Variants in CELF1 observed in about 807,000 individuals in gnomAD.
CELF1 encodes the protein CUGBP Elav-like family member 1.
In CELF1, 10 loss-of-function variants were observed where a neutral mutation model predicts 61.8. That is an observed-to-expected ratio of 0.16 (90% CI 0.10 to 0.27). The LOEUF (loss-of-function observed/expected upper bound fraction) is 0.27. Ranked by LOEUF, CELF1 falls within the 10% of genes least tolerant of loss-of-function variation. The probability of loss-of-function intolerance (pLI) is 1.00; values close to 1 mark genes in which losing one functional copy is unlikely to be tolerated. For synonymous variants in CELF1, 236 were observed against 225.1 expected (o/e 1.05, Z -0.43); for missense variants, 380 against 639.1 (o/e 0.59, Z 4.37).
In CELF1 at chr11:47,507,291, T is replaced by C. The variant is rs76570755; in HGVS notation, c.-153-6359A>G. Among the ~76,000 whole-genome samples, 1,484 of 152,302 alleles carry C rather than the reference T, an allele frequency of 9.7e-3. 12 individuals carry two copies. Among genetic ancestry groups the C allele is most frequent in the Non-Finnish European group, 0.017 (1,133 of 68,026 alleles). On this transcript the variant is annotated intron_variant, in intron 1 of 14. Coordinates refer to ENST00000687097, the MANE Select transcript of CELF1 (RefSeq NM_001376376.1). ...CTAAGAAAAGCTAATGGCTGTATAA[T>C]TCTTTTAGCAATTAAGGATCGTGTT...
chr11:47,544,320 G>A (rs2096879350), intron 1 of CELF1, among the ~76,000 whole-genome samples: 1 of 152,154 alleles, frequency 6.6e-6, no homozygotes, highest in African/African-American at 2.4e-5. Flanking sequence ...AAAAGAAACA[G>A]CATTATCAAT....
At chr11:47,544,765 C>G (rs2096891271) in intron 1 of CELF1, among the ~76,000 whole-genome samples, 1 of 152,020 alleles carries the variant, frequency 6.6e-6, no homozygotes, top group Non-Finnish European at 1.5e-5. Context: ...GAGTTTGAGA[C>G]CAGCCTGACC....
chr11:47,512,526 G>C (rs1328666738), intron 1 of CELF1, among the ~76,000 whole-genome samples: 1 of 147,444 alleles, frequency 6.8e-6, no homozygotes, highest in Non-Finnish European at 1.5e-5. Flanking sequence ...TTTTAGTAGA[G>C]ACAGAGTCTG....
At position 47,522,241 on chromosome 11, in the gene CELF1, G is replaced by A. The variant is rs1448483052; in HGVS notation, c.-153-21309C>T. 4.6e-5 allele frequency among the ~76,000 whole-genome samples: 7 copies of A among 151,552 alleles called. No homozygotes were observed. The South Asian group carries it at 8.4e-4, about 18-fold the overall frequency. On this transcript the variant is annotated intron_variant, in intron 1 of 14. Coordinates refer to ENST00000687097, the MANE Select transcript of CELF1 (RefSeq NM_001376376.1). ...ATTTTTTTTATCATTAACACTTGAA[G>A]TAGGCCGGGCATGGTGGCTCAAGCC...
intron 6 of CELF1, among the ~76,000 whole-genome samples, chr11:47,485,318 C>A (rs1935856485): frequency 1.3e-5 from 2 of 152,072 alleles, no homozygotes; most frequent in South Asian, 4.2e-4. Flanking sequence ...ATAGCTGGGA[C>A]CACAGGTATG....
intron 1 of CELF1, among the ~76,000 whole-genome samples, chr11:47,521,606 G>C (rs1411548450): frequency 6.6e-6 from 1 of 152,184 alleles, no homozygotes; most frequent in Non-Finnish European, 1.5e-5. Context: ...CAGGATATTT[G>C]TTAGAATTAA....
At chr11:47,529,049 T>C (rs1263237598) in intron 1 of CELF1, among the ~76,000 whole-genome samples, 1 of 151,910 alleles carries the variant, frequency 6.6e-6, no homozygotes, top group Non-Finnish European at 1.5e-5. Flanking sequence ...TGAGTACAGA[T>C]GTGTGCCACC....
intron 1 of CELF1, among the ~76,000 whole-genome samples, chr11:47,506,230 T>G (rs1332549207): frequency 1.3e-5 from 2 of 150,804 alleles, no homozygotes; most frequent in Non-Finnish European, 3.0e-5. Flanking sequence ...ATAGAGACCA[T>G]CCTGGCTAAC....
At chr11:47,533,077 T>C (rs1447072843) in intron 1 of CELF1, among the ~76,000 whole-genome samples, 1 of 152,076 alleles carries the variant, frequency 6.6e-6, no homozygotes. Context: ...AAGGCTTTTT[T>C]TTTTCTATCA....
intron 6 of CELF1, among the ~76,000 whole-genome samples, chr11:47,485,067 TACTC>T (rs1274103063): frequency 1.3e-5 from 2 of 152,348 alleles, no homozygotes; most frequent in Non-Finnish European, 2.9e-5. Context: ...TTGTGAAAGT[TACTC>T]AACCATTCTG....
chr11:47,486,770 G>C lies in CELF1; in HGVS notation c.371C>G (p.Ala124Gly). The C allele has an allele frequency of 6.2e-7, 1 of 1,612,410 alleles. No individual in the cohort carries two copies. Reference protein sequence around the residue: ...GMHHPIQMKPADSEKNNAVED... With the variant: ...GMHHPIQMKPGDSEKNNAVED... The stretch of plus-strand genomic sequence containing the variant: ...CTTACCATTGTTCTTCTCACTGTCA[G>C]CAGGTTTCATCTGTATAGGGTGATG... The change falls in exon 6 of 15, where the codon GCT becomes GGT. Residue 124 changes from alanine (A) to glycine (G), a missense_variant. Physicochemically the swap from Ala to Gly is moderately conservative, Grantham distance 60. Transcript: ENST00000687097.
intron 3 of CELF1, among the ~76,000 whole-genome samples, chr11:47,498,038 A>T (rs2093418204): frequency 6.6e-6 from 1 of 152,208 alleles, no homozygotes; most frequent in South Asian, 2.1e-4. Flanking sequence ...ATTCACTTTA[A>T]TTTCACCTGT....
At chr11:47,486,092 C>T (rs796259593) in intron 6 of CELF1, among the ~76,000 whole-genome samples, 3 of 33,638 alleles carry the variant, frequency 8.9e-5, no homozygotes, top group African/African-American at 3.5e-4. Context: ...ACCCGGGAGG[C>T]GGAGGTTGCA....
chr11:47,481,081 G>T (rs941294128), intron 9 of CELF1, among the ~76,000 whole-genome samples: 186 of 92,828 alleles, frequency 2.0e-3, no homozygotes, highest in Admixed American at 5.3e-3. Flanking sequence ...ATAAACTGGG[G>T]TTTTTTTTTT....
At chr11:47,473,993 G>A (rs761585710) in intron 13 of CELF1, among the ~76,000 whole-genome samples, 2 of 151,814 alleles carry the variant, frequency 1.3e-5, no homozygotes, top group Non-Finnish European at 2.9e-5. Flanking sequence ...TGCAACCTCC[G>A]CCTCCCGGGT....
At chr11:47,558,707 TATATA>T (rs1412642968) in intron 2 of CELF1, among the ~76,000 whole-genome samples, 3 of 99,192 alleles carry the variant, frequency 3.0e-5, no homozygotes, top group South Asian at 2.7e-4. Context: ...TATGTCATAA[TATATA>T]ATATTATGAC....
At chr11:47,491,948 T>C (rs546749955) in intron 3 of CELF1, among the ~76,000 whole-genome samples, 1 of 152,314 alleles carries the variant, frequency 6.6e-6, no homozygotes, top group South Asian at 2.1e-4. Context: ...AGCTATTATC[T>C]CCTATGATTA....
intron 12 of CELF1, 129 bp from the exon 13 acceptor site, chr11:47,475,650 C>CTCAGGGAGAAA: frequency 2.3e-6 from 2 of 864,218 alleles, no homozygotes; most frequent in Non-Finnish European, 1.8e-6. Context: ...TTAGTTTCTC[C>CTCAGGGAGAAA]CTGAGAAGAA....
At chr11:47,526,585 C>G (rs2096250734) in intron 1 of CELF1, among the ~76,000 whole-genome samples, 1 of 152,196 alleles carries the variant, frequency 6.6e-6, no homozygotes, top group Non-Finnish European at 1.5e-5. Context: ...TCATGTAACA[C>G]TTTCAGGAAA....
Sources: gnomAD v4.1 joint callset for allele counts (sites outside exome capture counted in the v4.1 genomes callset) on GRCh38, gnomAD v4.1.1 for gene constraint, MANE v1.5 for transcripts, NCBI Gene and HGNC (gene_info 2026-07-23, HGNC 2026-07-21) for gene names.